Variants in CSMD1 observed in about 807,000 individuals in gnomAD.
The protein encoded by CSMD1 is CUB and Sushi multiple domains 1, also known as CUB and sushi domain-containing protein 1.
Under a neutral mutation model 417.5 loss-of-function variants are expected in CSMD1, and 213 were observed. The ratio of observed to expected loss-of-function variants is 0.51; its 90% CI spans 0.46 to 0.57. The LOEUF (loss-of-function observed/expected upper bound fraction) is 0.57. Ranked by LOEUF, CSMD1 falls within the 20% of genes least tolerant of loss-of-function variation. The probability of loss-of-function intolerance (pLI) is 0.00; values close to 1 mark genes in which losing one functional copy is unlikely to be tolerated. For missense variants in CSMD1, 6,923 were observed against 4,529.7 expected (o/e 1.53, Z -15.17); for synonymous variants, 2,862 against 1,736.8 (o/e 1.65, Z -16.11).
intron 5 of CSMD1, among the ~76,000 whole-genome samples, chr8:3,915,575 GT>G (rs796417018): frequency 8.0e-5 from 12 of 150,028 alleles, no homozygotes; most frequent in African/African-American, 2.9e-4. Flanking sequence ...TTCTATAATA[GT>G]CAGACATTTA....
rs550865136 is a variant in CSMD1 at position 3,241,076 on chromosome 8, C to G, written c.4154-10845G>C. ...ACTTGTGGGTTAAGGTGAGGGGATA[C>G]AAGAGGAGGACGCAACGGAGGCTTT... On this transcript the variant is annotated intron_variant, in intron 26 of 69. Transcript: ENST00000635120. Among the ~76,000 whole-genome samples, 729 of 149,980 alleles carry G rather than the reference C, an allele frequency of 4.9e-3. 6 individuals carry two copies. The highest frequency in any genetic ancestry group is 7.5e-3 in the Non-Finnish European group (509 of 67,420).
chr8:4,528,260 A>G (rs1465371282), intron 2 of CSMD1, among the ~76,000 whole-genome samples: 1 of 152,180 alleles, frequency 6.6e-6, no homozygotes, highest in African/African-American at 2.4e-5. Flanking sequence ...GTAGCCCCAC[A>G]AGTCCAATTA....
chr8:3,364,452 A>G (rs750858791), intron 20 of CSMD1, among the ~76,000 whole-genome samples: 26 of 152,216 alleles, frequency 1.7e-4, no homozygotes, highest in Non-Finnish European at 3.2e-4. Flanking sequence ...TTAAAGACCC[A>G]TGAAAGAGTA....
intron 3 of CSMD1, among the ~76,000 whole-genome samples, chr8:4,312,315 A>C (rs979361081): frequency 2.6e-5 from 4 of 151,062 alleles, no homozygotes; most frequent in African/African-American, 9.8e-5. Context: ...ACACATGATC[A>C]TACCTACTTT....
At chr8:3,800,999 A>G (rs905718724) in intron 5 of CSMD1, among the ~76,000 whole-genome samples, 1 of 152,202 alleles carries the variant, frequency 6.6e-6, no homozygotes, top group Non-Finnish European at 1.5e-5. Context: ...TTTCATAGCT[A>G]AAATCATAAA....
At chr8:4,047,772 T>C (rs114258136) in intron 3 of CSMD1, among the ~76,000 whole-genome samples, 1,741 of 152,066 alleles carry the variant, frequency 0.011, 23 homozygotes, top group African/African-American at 0.04. Flanking sequence ...TTGATAGGAA[T>C]AGGTAGAGAA....
chr8:4,296,173 T>TCC (rs1349089870), intron 3 of CSMD1, among the ~76,000 whole-genome samples: 1 of 152,104 alleles, frequency 6.6e-6, no homozygotes, highest in Non-Finnish European at 1.5e-5. Flanking sequence ...GCTCAGGGTC[T>TCC]CCCTCCTGGC....
intron 5 of CSMD1, among the ~76,000 whole-genome samples, chr8:3,890,834 T>C (rs1161311697): frequency 1.3e-5 from 2 of 152,122 alleles, no homozygotes; most frequent in African/African-American, 4.8e-5. Flanking sequence ...TTAAATAAAA[T>C]GCTCATACTC....
rs561875788 is a variant in CSMD1, at chr8:4,835,849, A to C, written c.85+158483T>G. On this transcript the variant is annotated intron_variant, in intron 1 of 69. Transcript: ENST00000635120. ...GAATTACTTGTACATCAAGCCAACT[A>C]CTATGGTCACTAAGTGTTGGTTGAT... Among the ~76,000 whole-genome samples, 16 of 151,822 alleles carry C rather than the reference A, an allele frequency of 1.1e-4. No homozygotes were observed. In the East Asian group the frequency reaches 3.1e-3, roughly 29 times the overall value.
chr8:4,990,416 T>A (rs756151027), intron 1 of CSMD1, among the ~76,000 whole-genome samples: 7 of 151,684 alleles, frequency 4.6e-5, no homozygotes, highest in Admixed American at 3.9e-4. Context: ...CAGGCTGGAG[T>A]GCAATGGCAC....
chr8:3,539,187 G>A (rs535005230), intron 10 of CSMD1, among the ~76,000 whole-genome samples: 1 of 152,108 alleles, frequency 6.6e-6, no homozygotes, highest in African/African-American at 2.4e-5. Flanking sequence ...TGCATTTGCT[G>A]TAATTTAGGT....
At chr8:3,645,480 G>C (rs1321275826) in intron 7 of CSMD1, among the ~76,000 whole-genome samples, 1 of 152,144 alleles carries the variant, frequency 6.6e-6, no homozygotes, top group African/African-American at 2.4e-5. Context: ...ACTGAAAATG[G>C]GACAGTGGAA....
In CSMD1 at chr8:3,397,175, G is replaced by A. The variant is rs540485448; in HGVS notation, c.2406-794C>T. Among the ~76,000 whole-genome samples the A allele has an allele frequency of 9.2e-5, 14 of 152,204 alleles. No homozygotes were observed. The East Asian group carries it at 1.5e-3, about 17-fold the overall frequency. ...TATCTGATCCTCGAAGAGCTAACCC[G>A]GTTTCTGAGTGCCTGACTTGGCTCT... On this transcript the variant is annotated intron_variant, in intron 16 of 69. Transcript: ENST00000635120.
intron 2 of CSMD1, among the ~76,000 whole-genome samples, chr8:4,568,000 C>T (rs980689293): frequency 6.6e-6 from 1 of 152,140 alleles, no homozygotes; most frequent in African/African-American, 2.4e-5. Context: ...CAGTGATTTT[C>T]ACAGGGCTGG....
intron 1 of CSMD1, among the ~76,000 whole-genome samples, chr8:4,836,720 G>A (rs1800516532): frequency 6.6e-6 from 1 of 151,988 alleles, no homozygotes; most frequent in African/African-American, 2.4e-5. Context: ...GAGCAAAGAA[G>A]TCACAAGGTC....
intron 30 of CSMD1, among the ~76,000 whole-genome samples, chr8:3,209,295 A>G (rs78643897): frequency 2.9e-3 from 3 of 1,036 alleles, no homozygotes; most frequent in Admixed American, 0.011. Context: ...TTGTTTGTTT[A>G]TTTATTTATT....
chr8:3,828,329 T>A (rs983371088), intron 5 of CSMD1, among the ~76,000 whole-genome samples: 4 of 152,348 alleles, frequency 2.6e-5, no homozygotes, highest in East Asian at 3.9e-4. Flanking sequence ...CACTTAAGTA[T>A]AATGAATCTA....
At chr8:3,249,700 GAAAT>G (rs1800131264) in intron 26 of CSMD1, among the ~76,000 whole-genome samples, 1 of 152,080 alleles carries the variant, frequency 6.6e-6, no homozygotes. Flanking sequence ...GAGTGAAAAA[GAAAT>G]AATAGACATT....
At chr8:3,596,937 C>G (rs1332721854) in intron 8 of CSMD1, among the ~76,000 whole-genome samples, 1 of 152,170 alleles carries the variant, frequency 6.6e-6, no homozygotes, top group Admixed American at 6.5e-5. Flanking sequence ...CCAAGTGCCC[C>G]TCTTAGCAGC....
Sources: allele counts gnomAD v4.1 joint callset (sites outside exome capture counted in the v4.1 genomes callset), GRCh38; gene constraint gnomAD v4.1.1; transcripts MANE v1.5; gene names NCBI Gene and HGNC (gene_info 2026-07-23, HGNC 2026-07-21).